SLC9C1: variants seen among roughly 807,000 people sequenced by gnomAD.
SLC9C1 encodes the protein solute carrier family 9 member C1.
Under a neutral mutation model 140.9 loss-of-function variants are expected in SLC9C1, and 97 were observed. The ratio of observed to expected loss-of-function variants is 0.69; its 90% CI spans 0.58 to 0.82. The LOEUF (loss-of-function observed/expected upper bound fraction) is 0.82. Among genes scored for constraint, SLC9C1 ranks in the 40% least tolerant of loss-of-function variants. The probability of loss-of-function intolerance (pLI) is 0.00; values close to 1 mark genes in which losing one functional copy is unlikely to be tolerated. For missense variants in SLC9C1, 1,340 were observed against 1,389.3 expected (o/e 0.96, Z 0.56); for synonymous variants, 440 against 442.6 (o/e 0.99, Z 0.07).
intron 11 of SLC9C1, among the ~76,000 whole-genome samples, chr3:112,243,711 G>A (rs1361529172): frequency 5.6e-5 from 8 of 142,124 alleles, no homozygotes; most frequent in Non-Finnish European, 7.6e-5. Context: ...TTTTTTTTGA[G>A]ACAGGGTCTT....
chr3:112,254,348 G>C (rs2108268014), intron 10 of SLC9C1, among the ~76,000 whole-genome samples: 1 of 152,192 alleles, frequency 6.6e-6, no homozygotes, highest in South Asian at 2.1e-4. Flanking sequence ...AGAAAGGGCA[G>C]GTCGCCTACA....
chr3:112,266,087 AG>A, intron 8 of SLC9C1, 150 bp downstream of exon 8: 1 of 583,762 alleles, frequency 1.7e-6, no homozygotes, highest in Non-Finnish European at 2.9e-6. Context: ...GACACAGGCA[AG>A]AAAAAATAAA....
intron 17 of SLC9C1, among the ~76,000 whole-genome samples, chr3:112,203,749 T>A (rs1408204147): frequency 6.6e-6 from 1 of 151,982 alleles, no homozygotes; most frequent in Non-Finnish European, 1.5e-5. Flanking sequence ...TAGAAACATG[T>A]TATTAGACAA....
intron 28 of SLC9C1, among the ~76,000 whole-genome samples, chr3:112,149,729 A>G (rs992108080): frequency 2.6e-5 from 4 of 152,046 alleles, no homozygotes; most frequent in Admixed American, 2.0e-4. Flanking sequence ...AAAGGGTTGC[A>G]TGGCTCAAGC....
At chr3:112,248,501 A>G (rs973618459) in intron 10 of SLC9C1, among the ~76,000 whole-genome samples, 2 of 152,272 alleles carry the variant, frequency 1.3e-5, no homozygotes, top group South Asian at 4.1e-4. Flanking sequence ...TTTTGATGCC[A>G]TTATTATGTT....
chr3:112,209,168 T>C (rs2078134473), intron 15 of SLC9C1, among the ~76,000 whole-genome samples: 1 of 151,866 alleles, frequency 6.6e-6, no homozygotes, highest in Non-Finnish European at 1.5e-5. Context: ...CAAAGGTACA[T>C]CTATGCCATA....
At chr3:112,271,393 G>GTGTATATATATATATATATATATA (rs142798462) in intron 6 of SLC9C1, among the ~76,000 whole-genome samples, 7 of 125,594 alleles carry the variant, frequency 5.6e-5, no homozygotes, top group South Asian at 5.7e-4. Flanking sequence ...ATTCTACATT[G>GTGTATATATATATATATATATATA]TATATATATA....
intron 22 of SLC9C1, among the ~76,000 whole-genome samples, chr3:112,180,216 G>A (rs1560035880): frequency 6.6e-6 from 1 of 152,174 alleles, no homozygotes; most frequent in African/African-American, 2.4e-5. Context: ...ATGATCACAA[G>A]TGCATTTATA....
At chr3:112,270,714 G>A (rs1200437507) in intron 6 of SLC9C1, among the ~76,000 whole-genome samples, 1 of 152,140 alleles carries the variant, frequency 6.6e-6, no homozygotes, top group Non-Finnish European at 1.5e-5. Flanking sequence ...TACCTGGGAG[G>A]CTGAGGCATG....
intron 23 of SLC9C1, among the ~76,000 whole-genome samples, chr3:112,171,086 T>A (rs2107925686): frequency 6.6e-6 from 1 of 152,200 alleles, no homozygotes; most frequent in East Asian, 1.9e-4. Context: ...TGGTGGCACG[T>A]GACTGTAATC....
At chr3:112,151,819 G>T in intron 28 of SLC9C1, 38 bp downstream of exon 28, 1 of 1,537,842 alleles carries the variant, frequency 6.5e-7, no homozygotes, top group Non-Finnish European at 9.0e-7. Context: ...AGGGACAGAT[G>T]TGCTCCTGAT....
rs143326150 is a variant in SLC9C1 at position 112,193,235 on chromosome 3, G to T, written c.2523+6086C>A. 2.0e-5 allele frequency among the ~76,000 whole-genome samples: 3 copies of T among 152,336 alleles called. No individual in the cohort carries two copies. The East Asian group carries it at 5.8e-4, about 29-fold the overall frequency. ...GCACATGCATGCACATGACATGTCA[G>T]CTAACCTGGGGTCTGGATCACTAGG... is the stretch of plus-strand genomic sequence containing the variant. On this transcript the variant is annotated intron_variant, in intron 20 of 28. Transcript: ENST00000305815.
chr3:112,260,319 A>G (rs1459385808), intron 10 of SLC9C1, among the ~76,000 whole-genome samples: 1 of 151,894 alleles, frequency 6.6e-6, no homozygotes, highest in Non-Finnish European at 1.5e-5. Context: ...TCAATTCTTC[A>G]CTGAAATATC....
rs373414044 is a variant in SLC9C1 at position 112,254,514 on chromosome 3, A to T, written c.1197+8410T>A. On this transcript the variant is annotated intron_variant, in intron 10 of 28. Coordinates refer to ENST00000305815, the MANE Select transcript of SLC9C1 (RefSeq NM_183061.3). ...AGCTTCCTAAGTGAACATGAAATAA[A>T]TTTTTTTTATTTCAGATAAGCAAAT... Among the ~76,000 whole-genome samples, 346 of 97,936 alleles carry T rather than the reference A, an allele frequency of 3.5e-3. 4 individuals carry two copies. The highest frequency in any genetic ancestry group is 0.01 in the African/African-American group (321 of 31,588). 64.2% of individuals were successfully genotyped at this position (97,936 alleles called of 152,430 possible).
intron 4 of SLC9C1, 142 bp from the exon 5 acceptor site, chr3:112,278,002 C>T: frequency 1.8e-6 from 1 of 557,066 alleles, no homozygotes; most frequent in Non-Finnish European, 3.0e-6. Flanking sequence ...GGCCATCTAG[C>T]TCACGCTGCT....
chr3:112,178,056 AATTGT>A (rs2077372034), intron 23 of SLC9C1, among the ~76,000 whole-genome samples: 2 of 151,922 alleles, frequency 1.3e-5, no homozygotes, highest in Admixed American at 6.6e-5. Context: ...AAATTACAGC[AATTGT>A]ATTTATTTGG....
chr3:112,289,219 G>A (rs2080605792), intron 1 of SLC9C1, among the ~76,000 whole-genome samples: 1 of 152,144 alleles, frequency 6.6e-6, no homozygotes, highest in African/African-American at 2.4e-5. Flanking sequence ...AGTTTTGTTT[G>A]TTATTTATTT....
intron 28 of SLC9C1, among the ~76,000 whole-genome samples, chr3:112,148,869 C>T (rs544582324): frequency 1.3e-5 from 2 of 152,226 alleles, no homozygotes; most frequent in South Asian, 2.1e-4. Flanking sequence ...AGTGAGTGTC[C>T]ACCAGGTACT....
chr3:112,288,042 CAAA>C (rs11462109), intron 1 of SLC9C1, among the ~76,000 whole-genome samples: 4 of 81,826 alleles, frequency 4.9e-5, no homozygotes, highest in Admixed American at 1.6e-4. Flanking sequence ...GACTCCGTCT[CAAA>C]AAAAAAAAAA....
Sources: allele counts gnomAD v4.1 joint callset (sites outside exome capture counted in the v4.1 genomes callset), GRCh38; gene constraint gnomAD v4.1.1; transcripts MANE v1.5; gene names NCBI Gene and HGNC (gene_info 2026-07-23, HGNC 2026-07-21).